Variants in GRM4 observed in about 807,000 individuals in gnomAD.
GRM4 encodes glutamate metabotropic receptor 4.
Under a neutral mutation model 81.7 loss-of-function variants are expected in GRM4, and 28 were observed. The ratio of observed to expected loss-of-function variants is 0.34; its 90% confidence interval spans 0.25 to 0.47. The LOEUF is 0.47. Among genes scored for constraint, GRM4 ranks in the 20% least tolerant of loss-of-function variants. The pLI is 1.00. For missense variants in GRM4, 948 were observed against 1,290.0 expected, an observed-to-expected ratio of 0.73 and a Z score of 4.06; for synonymous variants, 488 against 528.8, an observed-to-expected ratio of 0.92 and a Z score of 1.06.
At chr6:34,126,295 T>C (rs565425402) in intron 2 of GRM4, among the ~76,000 whole-genome samples, 1 of 152,300 alleles carries the variant, frequency 6.6e-6, no homozygotes, top group Admixed American at 6.5e-5. Context: ...AACAACTGTA[T>C]ACCTGCCCCT....
chr6:34,143,058 T>C (rs963854326), intron 1 of GRM4, among the ~76,000 whole-genome samples: 9 of 152,208 alleles, frequency 5.9e-5, no homozygotes, highest in African/African-American at 1.9e-4. Context: ...CTCTCTTAAA[T>C]GCAGATGCCC....
At position 34,130,687 on chromosome 6, in the gene GRM4, G is replaced by A. The variant is rs753039431; in HGVS notation, c.519+2291C>T. Among the ~76,000 whole-genome samples, 10 of 152,122 alleles carry A rather than the reference G, an allele frequency of 6.6e-5. No homozygotes were observed. The highest frequency in any genetic ancestry group is 8.8e-5 in the Non-Finnish European group (6 of 68,020). On this transcript the variant is annotated intron_variant, in intron 2 of 10. Coordinates refer to ENST00000538487, the MANE Select transcript of GRM4 (RefSeq NM_000841.4). The surrounding 1 kb of genome is among the most constrained non-coding windows in gnomAD (Gnocchi z 4.1). ...CTGAGTGACCATTCCTTGAGCCTTC[G>A]CCATGTACCAAGTGATGGGGCACTC...
In GRM4 at chr6:34,068,862, G is replaced by A. The variant is rs953281645; in HGVS notation, c.737-6834C>T. Among the ~76,000 whole-genome samples, 81 of 152,258 alleles carry A rather than the reference G, an allele frequency of 5.3e-4. No homozygotes were observed. The highest frequency in any genetic ancestry group is 1.2e-4 in the Non-Finnish European group (8 of 68,014). The stretch of plus-strand genomic sequence containing the variant: ...TGGTGGTCTCCAGGCCCGGCCTCTC[G>A]GGGCCCAGCCAGCTGGTCCTGAGGC... On this transcript the variant is annotated intron_variant, in intron 3 of 10. Transcript: ENST00000538487. This position sits in a 1 kb window ranked among gnomAD's most constrained non-coding sequence, Gnocchi z 4.2.
Position 34,048,531 on chromosome 6 carries a change from A to G in GRM4, c.1169-7783T>C, listed in dbSNP as rs1765462567. Among the ~76,000 whole-genome samples the G allele has an allele frequency of 6.6e-6, 1 of 152,044 alleles. No individual in the cohort carries two copies. The highest frequency in any genetic ancestry group is 6.5e-5 in the Admixed American group (1 of 15,272). ...GAGCCGCCCCTGCTAACAACTCCCAACGCAGACATCCCTCTCCCCCATTAT... is the reference window on the plus strand; with the variant it reads ...GAGCCGCCCCTGCTAACAACTCCCAGCGCAGACATCCCTCTCCCCCATTAT... On this transcript the variant is annotated intron_variant, in intron 6 of 10. Transcript: ENST00000538487. The surrounding 1 kb of genome is among the most constrained non-coding windows in gnomAD (Gnocchi z 4.0).
chr6:34,103,465 A>T, intron 2 of GRM4: 1 of 788,596 alleles, frequency 1.3e-6, no homozygotes, highest in East Asian at 2.7e-5. Context: ...AGGGCCGCAG[A>T]TAAGAGCGCC....
In GRM4 at chr6:34,080,759, A is replaced by G. The variant is rs1477158807; in HGVS notation, c.736+11124T>C. ...TTTCAGAAAGGGGCCGTCACAGCTCATACTTGGTCACGCAGGAGTCACACG... is the reference window on the plus strand; with the variant it reads ...TTTCAGAAAGGGGCCGTCACAGCTCGTACTTGGTCACGCAGGAGTCACACG... On this transcript the variant is annotated intron_variant, in intron 3 of 10. Coordinates refer to ENST00000538487, the MANE Select transcript of GRM4 (RefSeq NM_000841.4). The surrounding 1 kb of genome is among the most constrained non-coding windows in gnomAD (Gnocchi z 5.4). 2.6e-5 allele frequency among the ~76,000 whole-genome samples: 4 copies of G among 151,930 alleles called. No homozygotes were observed. The highest frequency in any genetic ancestry group is 6.6e-5 in the Admixed American group (1 of 15,240).
chr6:34,077,732 GA>G (rs1767388477), intron 3 of GRM4, among the ~76,000 whole-genome samples: 1 of 152,012 alleles, frequency 6.6e-6, no homozygotes, highest in Non-Finnish European at 1.5e-5. Context: ...TTTGATGTCT[GA>G]TTCACCTTCC....
intron 2 of GRM4, among the ~76,000 whole-genome samples, chr6:34,120,886 G>A (rs993384235): frequency 2.0e-5 from 3 of 152,158 alleles, no homozygotes; most frequent in African/African-American, 4.8e-5. Flanking sequence ...GAGCCACTGC[G>A]CCCAGCCTGC....
intron 2 of GRM4, chr6:34,103,808 C>T (rs1581700274): frequency 6.9e-7 from 1 of 1,441,480 alleles, no homozygotes; most frequent in East Asian, 2.5e-5. Flanking sequence ...GTCTCCTCAT[C>T]TGTCCACAGG....
chr6:34,062,679 G>A (rs995848698), intron 3 of GRM4: 4 of 151,046 alleles, frequency 2.6e-5, no homozygotes, highest in African/African-American at 7.3e-5. Context: ...TAGGAGCAGC[G>A]TGCATGGCCA....
At position 34,133,601 on chromosome 6, in the gene GRM4, G is replaced by A. The variant is rs1770338562; in HGVS notation, c.-105C>T. Reference sequence around the variant, plus strand: ...CATGGGCAGGGCAGCTTCAGCAGCAGGGGGACTGAGGGCAGCCAACCGCGT... The same window carrying A: ...CATGGGCAGGGCAGCTTCAGCAGCAAGGGGACTGAGGGCAGCCAACCGCGT... On this transcript the variant is annotated 5_prime_UTR_variant, in exon 2 of 11. Coordinates refer to ENST00000538487, the MANE Select transcript of GRM4 (RefSeq NM_000841.4). This position sits in a 1 kb window ranked among gnomAD's most constrained non-coding sequence, Gnocchi z 6.5. The A allele has an allele frequency of 1.4e-6, 2 of 1,472,956 alleles. No individual in the cohort carries two copies. Among genetic ancestry groups the A allele is most frequent in the Non-Finnish European group, 8.9e-7 (1 of 1,120,724 alleles). The allele number at this position is 1,472,956 out of a possible 1,614,324, so 91.2% of individuals were successfully genotyped here.
In GRM4 at chr6:34,042,402, T is replaced by C. The variant is rs888828221; in HGVS notation, c.1169-1654A>G. Among the ~76,000 whole-genome samples the C allele has an allele frequency of 6.6e-6, 1 of 152,062 alleles. No homozygotes were observed. The highest frequency in any genetic ancestry group is 1.5e-5 in the Non-Finnish European group (1 of 68,010). On this transcript the variant is annotated intron_variant, in intron 6 of 10. Transcript: ENST00000538487. This position sits in a 1 kb window ranked among gnomAD's most constrained non-coding sequence, Gnocchi z 4.2. ...ACACAGGGATGCAGGTGGGCAGGAATGTGGGGAGGGGACCAGGGATCTGAA... is the reference window on the plus strand; with the variant it reads ...ACACAGGGATGCAGGTGGGCAGGAACGTGGGGAGGGGACCAGGGATCTGAA...
chr6:34,124,975 C>G (rs374889444), intron 2 of GRM4, among the ~76,000 whole-genome samples: 20 of 152,024 alleles, frequency 1.3e-4, no homozygotes, highest in African/African-American at 4.3e-4. Context: ...GGCCTCCACA[C>G]TTACTTTTTT....
intron 3 of GRM4, among the ~76,000 whole-genome samples, chr6:34,072,284 TCA>T (rs1473345313): frequency 7.4e-5 from 7 of 94,120 alleles, no homozygotes; most frequent in Non-Finnish European, 1.0e-4. Flanking sequence ...TCACCACACA[TCA>T]CACAGATACC....
intron 2 of GRM4, among the ~76,000 whole-genome samples, chr6:34,127,280 C>T (rs1317375030): frequency 6.6e-6 from 1 of 152,192 alleles, no homozygotes; most frequent in African/African-American, 2.4e-5. Flanking sequence ...GCCATTTAAG[C>T]TCAAGGCTGA....
chr6:34,025,341 A>G (rs1054657447), intron 10 of GRM4, among the ~76,000 whole-genome samples: 14 of 152,028 alleles, frequency 9.2e-5, no homozygotes, highest in Admixed American at 3.3e-4. Flanking sequence ...GATAAAACTG[A>G]GCTTCCAAGC....
chr6:34,036,524 C>G lies in GRM4; in HGVS notation c.1586G>C (p.Arg529Pro). The change falls in exon 9 of 11, where the codon CGG becomes CCG. Residue 529 changes from arginine to proline, a missense_variant. By Grantham distance (103) the Arg-to-Pro change is moderately radical. Coordinates refer to ENST00000538487, the MANE Select transcript of GRM4 (RefSeq NM_000841.4). This position sits in a 1 kb window ranked among gnomAD's most constrained non-coding sequence, Gnocchi z 9.0. ...AGGCATGCCCTTCACTGTCTTCTTC[C>G]GCTCACCCGGTTGGCAGGGCAGGCT... The part of the protein sequence containing the change: ...ICSLPCQPGE[R>P]KKTVKGMPCC... The G allele has an allele frequency of 6.2e-7, 1 of 1,611,830 alleles. No individual in the cohort carries two copies. Among genetic ancestry groups the G allele is most frequent in the Non-Finnish European group, 8.5e-7 (1 of 1,179,228 alleles).
At chr6:34,106,912 G>A (rs999461826) in intron 2 of GRM4, among the ~76,000 whole-genome samples, 1 of 152,256 alleles carries the variant, frequency 6.6e-6, no homozygotes, top group Non-Finnish European at 1.5e-5. Context: ...TCAAGATTCT[G>A]TTGGGGGAAA....
rs1043426902 is a variant in GRM4, at chr6:34,121,788, T to G, written c.519+11190A>C. ...GAGGGACAGGAAGGAGAATCCAGCC[T>G]TCTCCTCACACATGGGCCCACTTTA... On this transcript the variant is annotated intron_variant, in intron 2 of 10. Coordinates refer to ENST00000538487, the MANE Select transcript of GRM4 (RefSeq NM_000841.4). The surrounding 1 kb of genome is among the most constrained non-coding windows in gnomAD (Gnocchi z 4.6). Among the ~76,000 whole-genome samples, 16 of 152,252 alleles carry G rather than the reference T, an allele frequency of 1.1e-4. No homozygotes were observed. Among genetic ancestry groups the G allele is most frequent in the African/African-American group, 3.9e-4 (16 of 41,552 alleles).
Sources: gnomAD v4.1 joint callset for allele counts (sites outside exome capture counted in the v4.1 genomes callset) on GRCh38, gnomAD v4.1.1 for gene constraint, Gnocchi (gnomAD v3.1) non-coding constraint, MANE v1.5 for transcripts, NCBI Gene and HGNC (gene_info 2026-07-23, HGNC 2026-07-21) for gene names.